Variants in ATL1 observed in about 807,000 individuals in gnomAD.
The protein encoded by ATL1 is atlastin GTPase 1.
A neutral mutation model predicts 75.5 loss-of-function variants in ATL1; 31 were observed. The observed-to-expected ratio is 0.41, with a 90% CI of 0.31 to 0.55. ATL1 has a LOEUF of 0.55. Among genes scored for constraint, ATL1 ranks in the 20% least tolerant of loss-of-function variants. ATL1 has a pLI of 0.27. For synonymous variants in ATL1, 226 were observed against 233.3 expected, an observed-to-expected ratio of 0.97 and a Z score of 0.28; for missense variants, 405 against 662.6, an observed-to-expected ratio of 0.61 and a Z score of 4.27.
At chr14:50,610,125 T>C (rs947197998) in intron 6 of ATL1, among the ~76,000 whole-genome samples, 1 of 151,556 alleles carries the variant, frequency 6.6e-6, no homozygotes, top group Non-Finnish European at 1.5e-5. Flanking sequence ...ATGAAACAAA[T>C]GAGGAAACAA....
At chr14:50,624,948 T>C (rs1193436761) in intron 11 of ATL1, among the ~76,000 whole-genome samples, 2 of 149,442 alleles carry the variant, frequency 1.3e-5, no homozygotes, top group South Asian at 2.1e-4. Context: ...CACATGCCCA[T>C]AGTCCCAGTT....
intron 1 of ATL1, among the ~76,000 whole-genome samples, chr14:50,564,647 C>CA (rs60054322): frequency 0.05 from 1,983 of 40,028 alleles, 234 homozygotes; most frequent in Non-Finnish European, 0.063. Context: ...GATTCCGTCT[C>CA]AAAAAAAAAA....
chr14:50,618,227 T>C (rs75841009), intron 8 of ATL1, among the ~76,000 whole-genome samples: 5,381 of 152,148 alleles, frequency 0.035, 97 homozygotes, highest in Middle Eastern at 0.054. Context: ...CTACTAAAGA[T>C]GAAAAAACGT....
At chr14:50,547,601 C>G (rs979443470) in intron 1 of ATL1, among the ~76,000 whole-genome samples, 1 of 152,168 alleles carries the variant, frequency 6.6e-6, no homozygotes, top group East Asian at 1.9e-4. Flanking sequence ...ACATAAGGTA[C>G]AGATAGGCCA....
intron 1 of ATL1, among the ~76,000 whole-genome samples, chr14:50,550,884 A>T (rs2038693893): frequency 6.6e-6 from 1 of 152,214 alleles, no homozygotes; most frequent in Non-Finnish European, 1.5e-5. Flanking sequence ...AACCGCTGGG[A>T]TACAGAAAAA....
At chr14:50,599,492 C>T (rs2039251627) in intron 6 of ATL1, among the ~76,000 whole-genome samples, 1 of 152,042 alleles carries the variant, frequency 6.6e-6, no homozygotes, top group Admixed American at 6.5e-5. Context: ...GCAGCCATTC[C>T]ATGGAGCAGA....
At chr14:50,627,953 T>A in intron 11 of ATL1, 78 bp from the exon 12 acceptor site, 1 of 1,396,886 alleles carries the variant, frequency 7.2e-7, no homozygotes, top group Non-Finnish European at 1.0e-6. Context: ...CAAACTCAAC[T>A]AGCTAAGTGA....
chr14:50,610,658 T>C (rs2039357384), intron 6 of ATL1, among the ~76,000 whole-genome samples: 1 of 152,140 alleles, frequency 6.6e-6, no homozygotes, highest in African/African-American at 2.4e-5. Context: ...TTTTAAACGC[T>C]GACATTGTGA....
chr14:50,618,020 A>G (rs560804253), intron 8 of ATL1, among the ~76,000 whole-genome samples: 2 of 152,342 alleles, frequency 1.3e-5, no homozygotes, highest in South Asian at 2.1e-4. Context: ...GGTTACTTTA[A>G]TGATAATTAA....
chr14:50,628,066 T>A lies in ATL1; in HGVS notation c.1155T>A (p.Asn385Lys), dbSNP rs2039538504. Residue 385 changes from asparagine to lysine, a missense_variant, in exon 12 of 14, where the codon AAT becomes AAA. Transcript: ENST00000358385. ...CGGDKPFLAP[N>K]DLQTKHLQLK... ...GTGACAAACCATTTCTGGCCCCAAA[T>A]GACTTGCAGACCAAACACCTGCAAC... The A allele has an allele frequency of 6.2e-7, 1 of 1,614,082 alleles. No homozygotes were observed. Among genetic ancestry groups the A allele is most frequent in the Non-Finnish European group, 8.5e-7 (1 of 1,180,038 alleles).
intron 1 of ATL1, among the ~76,000 whole-genome samples, chr14:50,552,524 T>C (rs989291632): frequency 2.0e-5 from 3 of 152,106 alleles, no homozygotes; most frequent in Non-Finnish European, 4.4e-5. Context: ...TCCTAAAATT[T>C]GTATGGAACC....
chr14:50,544,724 G>A (rs537402345), intron 1 of ATL1, among the ~76,000 whole-genome samples: 16 of 151,982 alleles, frequency 1.1e-4, no homozygotes, highest in South Asian at 6.2e-4. Context: ...GCTTGAGCTC[G>A]GGAGTTTGAG....
intron 1 of ATL1, among the ~76,000 whole-genome samples, chr14:50,550,126 A>G (rs1482832994): frequency 6.6e-6 from 1 of 152,168 alleles, no homozygotes; most frequent in African/African-American, 2.4e-5. Flanking sequence ...TGAGAGCCTT[A>G]TGATATCAAC....
intron 1 of ATL1, among the ~76,000 whole-genome samples, chr14:50,537,933 A>G (rs1023918779): frequency 6.6e-6 from 1 of 152,098 alleles, no homozygotes; most frequent in Non-Finnish European, 1.5e-5. Flanking sequence ...TGGACTTTTG[A>G]GTTAATGCTG....
At chr14:50,591,188 C>G in intron 3 of ATL1, 113 bp downstream of exon 3, 1 of 1,091,126 alleles carries the variant, frequency 9.2e-7, no homozygotes, top group Non-Finnish European at 1.3e-6. Context: ...TGACATGAAG[C>G]TTAAAGTGGG....
intron 1 of ATL1, among the ~76,000 whole-genome samples, chr14:50,550,619 A>G (rs887165064): frequency 6.6e-6 from 1 of 152,260 alleles, no homozygotes; most frequent in Admixed American, 6.5e-5. Context: ...TGCCAGTGCA[A>G]TGGAGACTAA....
chr14:50,560,130 C>A, upstream of ATL1: 1 of 1,027,184 alleles, frequency 9.7e-7, no homozygotes, highest in East Asian at 2.6e-5. Flanking sequence ...CCACCAGCGC[C>A]ACAGCAACAT....
Position 50,584,634 on chromosome 14 carries a change from G to A in ATL1, c.35-3197G>A, listed in dbSNP as rs550577428. On this transcript the variant is annotated intron_variant, in intron 1 of 13. Coordinates refer to ENST00000358385, the MANE Select transcript of ATL1 (RefSeq NM_015915.5). ...TGAAGCAGGAGAATGGCGTGAACCC[G>A]GGAGGCGGAGCTTGCAGTGAGCCGA... is the stretch of plus-strand genomic sequence containing the variant. Among the ~76,000 whole-genome samples the A allele has an allele frequency of 4.0e-5, 6 of 151,794 alleles. No homozygotes were observed. In the South Asian group the frequency reaches 6.3e-4, roughly 16 times the overall value.
At chr14:50,573,161 G>A (rs2038969982) in intron 1 of ATL1, among the ~76,000 whole-genome samples, 1 of 152,122 alleles carries the variant, frequency 6.6e-6, no homozygotes, top group African/African-American at 2.4e-5. Context: ...AATTCAAGAT[G>A]ACATTTGGGT....
Sources: allele counts gnomAD v4.1 joint callset (sites outside exome capture counted in the v4.1 genomes callset), GRCh38; gene constraint gnomAD v4.1.1; transcripts MANE v1.5; gene names NCBI Gene and HGNC (gene_info 2026-07-23, HGNC 2026-07-21).